The following CREM variants were observed in gnomAD, a reference collection of about 807,000 sequenced individuals.
CREM encodes cAMP-responsive element modulator.
In CREM, 13 loss-of-function variants were observed where a neutral mutation model predicts 37.3. The ratio of observed to expected loss-of-function variants is 0.35; its 90% confidence interval spans 0.23 to 0.55. The LOEUF (loss-of-function observed/expected upper bound fraction) is 0.55, where lower values mean the gene tolerates loss of function less well. Ranked by LOEUF, CREM falls within the 20% of genes least tolerant of loss-of-function variation. The probability of loss-of-function intolerance (pLI) is 0.88; values close to 1 mark genes in which losing one functional copy is unlikely to be tolerated. For synonymous variants in CREM, 124 were observed against 120.2 expected (o/e 1.03, Z -0.21); for missense variants, 296 against 362.3 (o/e 0.82, Z 1.49).
intron 3 of CREM, among the ~76,000 whole-genome samples, chr10:35,155,591 TTGAG>T (rs2092844243): frequency 6.6e-6 from 1 of 151,502 alleles, no homozygotes; most frequent in Non-Finnish European, 1.5e-5. Context: ...AGTTTCTTTT[TTGAG>T]TAAGACTTAG....
chr10:35,198,124 G>A (rs2095268720), intron 6 of CREM, among the ~76,000 whole-genome samples: 2 of 152,054 alleles, frequency 1.3e-5, no homozygotes, highest in South Asian at 4.1e-4. Context: ...ACAGCTTACA[G>A]TTTGAAAAAC....
chr10:35,133,950 T>C (rs746926724), intron 1 of CREM, among the ~76,000 whole-genome samples: 2 of 152,240 alleles, frequency 1.3e-5, no homozygotes, highest in Non-Finnish European at 2.9e-5. Context: ...TAAACTTTGG[T>C]ATTCTAGTAA....
intron 3 of CREM, chr10:35,167,779 T>C (rs2093625020): frequency 6.2e-7 from 1 of 1,614,134 alleles, no homozygotes. Context: ...AAGAGGATTA[T>C]TCTTCAGGGG....
chr10:35,179,092 T>C (rs774875136), intron 4 of CREM, 42 bp from the exon 5 acceptor site: 2 of 1,561,618 alleles, frequency 1.3e-6, no homozygotes, highest in South Asian at 2.3e-5. Context: ...TTAAGACTTA[T>C]TCATGTATCT....
At chr10:35,185,918 G>C (rs976723795) in intron 5 of CREM, among the ~76,000 whole-genome samples, 9 of 152,160 alleles carry the variant, frequency 5.9e-5, no homozygotes, top group African/African-American at 2.2e-4. Context: ...GGTGAAAGAA[G>C]TGAAAATTTG....
At chr10:35,144,133 G>T (rs2091789513) in intron 2 of CREM, among the ~76,000 whole-genome samples, 1 of 152,218 alleles carries the variant, frequency 6.6e-6, no homozygotes, top group Non-Finnish European at 1.5e-5. Context: ...TGGAACAGCA[G>T]CTCAACTGCT....
intron 1 of CREM, among the ~76,000 whole-genome samples, chr10:35,134,475 C>T (rs2090084176): frequency 6.6e-6 from 1 of 152,200 alleles, no homozygotes; most frequent in Non-Finnish European, 1.5e-5. Flanking sequence ...CCTCAGCCTT[C>T]CAGAGTGCTG....
At chr10:35,202,291 A>G (rs1283603592) in intron 6 of CREM, among the ~76,000 whole-genome samples, 1 of 152,256 alleles carries the variant, frequency 6.6e-6, no homozygotes, top group East Asian at 1.9e-4. Flanking sequence ...TTGGTGTCTT[A>G]TCTGCTTTAA....
At chr10:35,144,454 A>G (rs1335547381) in intron 2 of CREM, among the ~76,000 whole-genome samples, 1 of 152,202 alleles carries the variant, frequency 6.6e-6, no homozygotes, top group African/African-American at 2.4e-5. Context: ...GATGCTCAGT[A>G]GGAGGGAGGT....
chr10:35,171,528 C>G (rs1343019971), intron 3 of CREM, among the ~76,000 whole-genome samples: 1 of 152,062 alleles, frequency 6.6e-6, no homozygotes, highest in Non-Finnish European at 1.5e-5. Flanking sequence ...ATGATTAAAG[C>G]AATGTAAAGG....
chr10:35,136,844 A>G (rs2090612795), intron 1 of CREM, among the ~76,000 whole-genome samples: 2 of 145,426 alleles, frequency 1.4e-5, no homozygotes, highest in African/African-American at 5.1e-5. Context: ...AGGTCTGTGA[A>G]TGGTCTTGCT....
intron 3 of CREM, chr10:35,176,092 T>C: frequency 6.9e-7 from 1 of 1,452,178 alleles, no homozygotes; most frequent in East Asian, 2.5e-5. Flanking sequence ...CTTTATGAAG[T>C]GCTTATACGC....
chr10:35,188,914 G>C (rs564620006), intron 6 of CREM, among the ~76,000 whole-genome samples: 1 of 152,190 alleles, frequency 6.6e-6, no homozygotes, highest in South Asian at 2.1e-4. Flanking sequence ...CCTGACCTCA[G>C]GTGGAGGCCT....
intron 3 of CREM, chr10:35,167,515 A>G (rs528220450): frequency 1.9e-5 from 11 of 567,948 alleles, no homozygotes; most frequent in Admixed American, 3.2e-5. Context: ...CTATGACATC[A>G]TAAACCCCAT....
At chr10:35,132,505 A>G (rs2089619034) in intron 1 of CREM, among the ~76,000 whole-genome samples, 1 of 152,246 alleles carries the variant, frequency 6.6e-6, no homozygotes, top group Non-Finnish European at 1.5e-5. Context: ...CCGTGAATCT[A>G]TATTAGAGAG....
intron 1 of CREM, among the ~76,000 whole-genome samples, chr10:35,134,812 C>T (rs1316289941): frequency 2.0e-5 from 3 of 151,944 alleles, no homozygotes; most frequent in Middle Eastern, 3.4e-3. Flanking sequence ...CCGAGGCAGG[C>T]GGATCACTTG....
chr10:35,176,610 C>A (rs1163468422), intron 3 of CREM, among the ~76,000 whole-genome samples: 1 of 151,756 alleles, frequency 6.6e-6, no homozygotes, highest in Non-Finnish European at 1.5e-5. Flanking sequence ...GGGGTTTCAC[C>A]GTGTTAGCCA....
intron 3 of CREM, among the ~76,000 whole-genome samples, chr10:35,166,772 A>C (rs1352789716): frequency 6.6e-6 from 1 of 152,136 alleles, no homozygotes; most frequent in African/African-American, 2.4e-5. Flanking sequence ...AAGTCACTCA[A>C]GATAACCGAA....
At chr10:35,179,101 C>T in intron 4 of CREM, 33 bp from the exon 5 acceptor site, 1 of 1,579,522 alleles carries the variant, frequency 6.3e-7, no homozygotes, top group Non-Finnish European at 8.7e-7. Context: ...ATTCATGTAT[C>T]TTAGTGACTT....
Sources: gnomAD v4.1 joint callset for allele counts (sites outside exome capture counted in the v4.1 genomes callset) on GRCh38, gnomAD v4.1.1 for gene constraint, MANE v1.5 for transcripts, NCBI Gene and HGNC (gene_info 2026-07-23, HGNC 2026-07-21) for gene names.